SOBP: variants seen among roughly 807,000 people sequenced by gnomAD.
The protein encoded by SOBP is sine oculis-binding protein homolog.
SOBP carries 4 observed loss-of-function variants against 53.6 expected under a neutral mutation model. The ratio of observed to expected loss-of-function variants is 0.07; its 90% CI spans 0.04 to 0.17. The LOEUF is 0.17. Ranked by LOEUF, SOBP falls within the 10% of genes least tolerant of loss-of-function variation. SOBP has a pLI of 1.00. For missense variants in SOBP, 1,088 were observed against 1,204.7 expected (o/e 0.90, Z 1.43); for synonymous variants, 584 against 522.6 (o/e 1.12, Z -1.60).
intron 3 of SOBP, chr6:107,511,513 A>G (rs1430476499): frequency 6.6e-6 from 1 of 152,200 alleles, no homozygotes; most frequent in Non-Finnish European, 1.5e-5. Flanking sequence ...CCAGTCAGGC[A>G]CTGTTTCCCA....
chr6:107,516,819 A>G (rs1440242204), intron 3 of SOBP, among the ~76,000 whole-genome samples: 2 of 152,168 alleles, frequency 1.3e-5, no homozygotes, highest in Non-Finnish European at 2.9e-5. Context: ...AAATATGTGT[A>G]AGATGGTTAC....
chr6:107,565,787 A>G (rs1445456072), intron 4 of SOBP, among the ~76,000 whole-genome samples: 1 of 152,256 alleles, frequency 6.6e-6, no homozygotes, highest in African/African-American at 2.4e-5. Flanking sequence ...GACCAGTTTC[A>G]GCACCTTCCA....
intron 5 of SOBP, among the ~76,000 whole-genome samples, chr6:107,594,553 G>A (rs1003824653): frequency 6.6e-6 from 1 of 151,508 alleles, no homozygotes; most frequent in Non-Finnish European, 1.5e-5. Flanking sequence ...CCATTTAATA[G>A]TAAAATTTTT....
chr6:107,598,489 A>G (rs1323202355), intron 5 of SOBP, among the ~76,000 whole-genome samples: 2 of 152,178 alleles, frequency 1.3e-5, no homozygotes, highest in Admixed American at 6.5e-5. Context: ...GCCAGTTGGG[A>G]GACAGCCTGT....
intron 4 of SOBP, among the ~76,000 whole-genome samples, chr6:107,540,130 T>C (rs1444584824): frequency 6.6e-6 from 1 of 152,216 alleles, no homozygotes; most frequent in Non-Finnish European, 1.5e-5. Context: ...CCTTGAGATA[T>C]TTTAAGGTAG....
intron 4 of SOBP, among the ~76,000 whole-genome samples, chr6:107,546,052 T>C (rs545521278): frequency 6.6e-6 from 1 of 152,230 alleles, no homozygotes; most frequent in Non-Finnish European, 1.5e-5. Context: ...AGGCATCCTT[T>C]AGAAAGTAAA....
chr6:107,490,668 A>G lies in SOBP; in HGVS notation c.52A>G (p.Lys18Glu). 6.2e-7 allele frequency: 1 copy of G among 1,608,936 alleles called. No individual in the cohort carries two copies. The highest frequency in any genetic ancestry group is 8.5e-7 in the Non-Finnish European group (1 of 1,177,304). ...GRPPENKRSR[K>E]PAHPVKREIN... ...ACCTCCCGAAAATAAACGGAGCAGG[A>G]AGCCGGCTCACCCAGTGAAAAGGGA... The change falls in exon 1 of 7, where the codon AAG becomes GAG. Residue 18 changes from lysine to glutamate, a missense_variant. Coordinates refer to ENST00000317357, the MANE Select transcript of SOBP (RefSeq NM_018013.4).
intron 5 of SOBP, among the ~76,000 whole-genome samples, chr6:107,622,196 G>A (rs925878614): frequency 1.3e-5 from 2 of 152,186 alleles, no homozygotes; most frequent in Non-Finnish European, 1.5e-5. Context: ...AGCAGCTCTT[G>A]AAGGTAGACG....
intron 4 of SOBP, among the ~76,000 whole-genome samples, chr6:107,554,755 C>T (rs369532408): frequency 3.3e-5 from 5 of 152,074 alleles, no homozygotes; most frequent in East Asian, 1.9e-4. Context: ...CTGGAAAAAA[C>T]GCATCATCAT....
chr6:107,504,013 A>G (rs953687372), intron 2 of SOBP, among the ~76,000 whole-genome samples: 2 of 152,372 alleles, frequency 1.3e-5, no homozygotes, highest in East Asian at 3.9e-4. Flanking sequence ...ATCTCCTCCC[A>G]GCAATGGGAG....
chr6:107,587,363 T>C (rs1785599230), intron 5 of SOBP, among the ~76,000 whole-genome samples, 188 bp downstream of exon 5: 1 of 152,234 alleles, frequency 6.6e-6, no homozygotes, highest in African/African-American at 2.4e-5. Context: ...AAATCTTTTA[T>C]ATCTGATTAT....
intron 1 of SOBP, 50 bp downstream of exon 1, chr6:107,490,762 G>C: frequency 2.9e-6 from 4 of 1,389,510 alleles, no homozygotes; most frequent in African/African-American, 1.4e-5. Flanking sequence ...TCTTGCGCCC[G>C]CTCCCCGTGG....
chr6:107,549,908 G>A (rs769572347), intron 4 of SOBP, among the ~76,000 whole-genome samples: 8 of 152,136 alleles, frequency 5.3e-5, no homozygotes, highest in Non-Finnish European at 1.0e-4. Flanking sequence ...CAGGGGCCTG[G>A]TAAGGTATGG....
rs1206645345 is a variant in SOBP, at chr6:107,661,266, C to T, written c.*3063C>T. On this transcript the variant is annotated 3_prime_UTR_variant, in exon 7 of 7. Transcript: ENST00000317357. ...TACTGCTGTCTGAATGCACAATTCT[C>T]TTGGGATATCAAAACCATATATAAA... Among the ~76,000 whole-genome samples the T allele has an allele frequency of 6.6e-6, 1 of 152,180 alleles. No homozygotes were observed. The highest frequency in any genetic ancestry group is 1.5e-5 in the Non-Finnish European group (1 of 68,038).
At chr6:107,516,889 A>C (rs1378372312) in intron 3 of SOBP, among the ~76,000 whole-genome samples, 1 of 152,206 alleles carries the variant, frequency 6.6e-6, no homozygotes, top group Non-Finnish European at 1.5e-5. Context: ...ATAGAGGGAC[A>C]TACCATGTTT....
At position 107,633,815 on chromosome 6, in the gene SOBP, C is replaced by T; in HGVS notation, c.971C>T (p.Pro324Leu). The stretch of plus-strand genomic sequence containing the variant: ...GCTACAGCTGGCCAAAGCCAGGGCC[C>T]TGGCCCGTCGGCGTCCACCACCGTC... ...PVATAGQSQG[P>L]GPSASTTVSP... Residue 324 changes from proline to leucine, a missense_variant, in exon 6 of 7, where the codon CCT (proline) becomes CTT (leucine). Pro to Leu is a moderately conservative substitution (Grantham distance 98). Coordinates refer to ENST00000317357, the MANE Select transcript of SOBP (RefSeq NM_018013.4). 1 of 1,614,128 alleles carries T rather than the reference C, an allele frequency of 6.2e-7. No homozygotes were observed. The highest frequency in any genetic ancestry group is 8.5e-7 in the Non-Finnish European group (1 of 1,180,020).
At chr6:107,640,941 C>T (rs1189344798) in intron 6 of SOBP, among the ~76,000 whole-genome samples, 6 of 152,206 alleles carry the variant, frequency 3.9e-5, no homozygotes, top group Non-Finnish European at 4.4e-5. Flanking sequence ...AAGCTGGTCT[C>T]CTGGCCCCCT....
intron 5 of SOBP, among the ~76,000 whole-genome samples, chr6:107,598,752 C>A (rs1338537049): frequency 6.6e-6 from 1 of 152,142 alleles, no homozygotes; most frequent in Non-Finnish European, 1.5e-5. Flanking sequence ...AGACTTCTAA[C>A]AGCTGGAAAG....
At chr6:107,577,814 C>T (rs1040921190) in intron 4 of SOBP, among the ~76,000 whole-genome samples, 4 of 152,172 alleles carry the variant, frequency 2.6e-5, no homozygotes, top group Non-Finnish European at 4.4e-5. Flanking sequence ...TTGCTCATGC[C>T]TGTAATCCCA....
Sources: allele counts gnomAD v4.1 joint callset (sites outside exome capture counted in the v4.1 genomes callset), GRCh38; gene constraint gnomAD v4.1.1; transcripts MANE v1.5; gene names NCBI Gene and HGNC (gene_info 2026-07-23, HGNC 2026-07-21).